UGT2B15: variants seen among roughly 807,000 people sequenced by gnomAD.
UGT2B15 encodes UDP-glucuronosyltransferase 2B15.
In UGT2B15, 36 loss-of-function variants were observed where a neutral mutation model predicts 45.9. The observed-to-expected ratio is 0.78, with a 90% CI of 0.60 to 1.04. UGT2B15 has a LOEUF of 1.04. Ranked by LOEUF, UGT2B15 falls within the 50% of genes least tolerant of loss-of-function variation. UGT2B15 has a pLI of 0.00. For missense variants in UGT2B15, 617 were observed against 622.4 expected (o/e 0.99, Z 0.09); for synonymous variants, 219 against 216.4 (o/e 1.01, Z -0.11).
intron 5 of UGT2B15, among the ~76,000 whole-genome samples, chr4:68,647,798 C>A (rs144107255): frequency 0.031 from 4,685 of 152,064 alleles, 297 homozygotes; most frequent in East Asian, 0.26. Context: ...TCAGTTCAGC[C>A]TTTCTCTTTC....
intron 5 of UGT2B15, among the ~76,000 whole-genome samples, chr4:68,651,991 C>T (rs1426140154): frequency 2.6e-5 from 4 of 152,018 alleles, no homozygotes; most frequent in African/African-American, 7.3e-5. Context: ...AATATTGATT[C>T]TTTTTATCCA....
chr4:68,647,461 G>T, intron 5 of UGT2B15, 78 bp from the exon 6 acceptor site: 1 of 1,440,274 alleles, frequency 6.9e-7, no homozygotes, highest in Non-Finnish European at 9.3e-7. Flanking sequence ...GATGGTCTTT[G>T]AAAAGTGTCA....
At chr4:68,649,694 A>C (rs1365846044) in intron 5 of UGT2B15, among the ~76,000 whole-genome samples, 1 of 152,148 alleles carries the variant, frequency 6.6e-6, no homozygotes, top group Non-Finnish European at 1.5e-5. Context: ...ACACACATAT[A>C]TAACACATAG....
At chr4:68,653,191 C>G (rs545613987) in intron 5 of UGT2B15, among the ~76,000 whole-genome samples, 14 of 151,688 alleles carry the variant, frequency 9.2e-5, no homozygotes, top group African/African-American at 3.2e-4. Flanking sequence ...TATTTTTACA[C>G]GGAAAATATG....
intron 2 of UGT2B15, among the ~76,000 whole-genome samples, chr4:68,667,600 G>A (rs1270654578): frequency 6.6e-6 from 1 of 152,006 alleles, no homozygotes; most frequent in East Asian, 1.9e-4. Context: ...TATCATTGTG[G>A]TCTTTCCTTA....
intron 2 of UGT2B15, among the ~76,000 whole-genome samples, chr4:68,666,767 G>C (rs1241259507): frequency 1.6e-5 from 1 of 62,922 alleles, no homozygotes; most frequent in Non-Finnish European, 3.6e-5. Flanking sequence ...TTTTTTTTGA[G>C]ACAGATTCTC....
intron 3 of UGT2B15, among the ~76,000 whole-genome samples, chr4:68,661,009 G>T (rs747505607): frequency 5.9e-5 from 9 of 151,746 alleles, no homozygotes; most frequent in Non-Finnish European, 7.4e-5. Flanking sequence ...GTCTTCATAG[G>T]ACATGAGACT....
chr4:68,665,803 T>C (rs1733102117), intron 2 of UGT2B15, among the ~76,000 whole-genome samples: 1 of 152,102 alleles, frequency 6.6e-6, no homozygotes, highest in South Asian at 2.1e-4. Context: ...TCCCAGCACT[T>C]TGGGAGGCTG....
chr4:68,670,322 A>T lies in UGT2B15; in HGVS notation c.297T>A (p.Tyr99Ter), dbSNP rs1215572651. 1 of 1,614,024 alleles carries T rather than the reference A, an allele frequency of 6.2e-7. No individual in the cohort carries two copies. The highest frequency in any genetic ancestry group is 1.1e-5 in the South Asian group (1 of 91,042). Reference sequence around the variant, plus strand: ...ACCAAAATGTATTTTTTGAAACACCATATATCCATCTATCGAGAATTTTCA... The same window carrying T: ...ACCAAAATGTATTTTTTGAAACACCTTATATCCATCTATCGAGAATTTTCA... ...SLLKILDRWI[Y>*]GVSKNTFWSY... The change falls in exon 1 of 6, where the codon TAT becomes TAA. Residue 99 changes from tyrosine to a stop codon, truncating the protein, a stop_gained. Coordinates refer to ENST00000338206, the MANE Select transcript of UGT2B15 (RefSeq NM_001076.4). LOFTEE classifies it high-confidence loss of function.
chr4:68,653,888 T>C (rs1298997736), intron 5 of UGT2B15, 149 bp downstream of exon 5: 4 of 1,000,662 alleles, frequency 4.0e-6, no homozygotes, highest in Non-Finnish European at 4.2e-6. Context: ...TGAAATAAAC[T>C]GTCTGGTGGA....
At chr4:68,658,970 A>T (rs1387559478) in intron 3 of UGT2B15, among the ~76,000 whole-genome samples, 1 of 152,062 alleles carries the variant, frequency 6.6e-6, no homozygotes, top group East Asian at 1.9e-4. Flanking sequence ...TCAAAGACAC[A>T]CTAATGCAAG....
Position 68,654,024 on chromosome 4 carries a change from C to G in UGT2B15, c.1313+13G>C. 1.2e-6 allele frequency: 2 copies of G among 1,609,066 alleles called. No individual in the cohort carries two copies. Among genetic ancestry groups the G allele is most frequent in the South Asian group, 2.2e-5 (2 of 90,714 alleles). On this transcript the variant is annotated intron_variant, in intron 5 of 5. Transcript: ENST00000338206. ...TTATAAATACCACCTGGTCACAAAACTGTAATACTCACACAGGGTCATTAA... is the reference window on the plus strand; with the variant it reads ...TTATAAATACCACCTGGTCACAAAAGTGTAATACTCACACAGGGTCATTAA...
intron 2 of UGT2B15, among the ~76,000 whole-genome samples, chr4:68,663,663 A>T (rs922397213): frequency 5.3e-5 from 8 of 152,144 alleles, no homozygotes; most frequent in African/African-American, 1.9e-4. Context: ...TTGGAATGAT[A>T]TTATATCTAC....
chr4:68,670,488 T>C lies in UGT2B15; in HGVS notation c.131A>G (p.Glu44Gly). The change falls in exon 1 of 6, where the codon GAA becomes GGA. Residue 44 changes from glutamate to glycine, a missense_variant. Glu to Gly is a moderately conservative substitution (Grantham distance 98, BLOSUM62 -2). Transcript: ENST00000338206. ...CTCATGACCCCTCTGAACAAGCTCT[T>C]CCAGGATTGTCTTCATATTTATCCA... ...SHWINMKTIL[E>G]ELVQRGHEVT... The C allele has an allele frequency of 6.2e-7, 1 of 1,614,044 alleles. No individual in the cohort carries two copies. Among genetic ancestry groups the C allele is most frequent in the Non-Finnish European group, 8.5e-7 (1 of 1,179,986 alleles).
At chr4:68,651,744 G>T (rs1291775777) in intron 5 of UGT2B15, among the ~76,000 whole-genome samples, 2 of 152,096 alleles carry the variant, frequency 1.3e-5, no homozygotes, top group Non-Finnish European at 2.9e-5. Flanking sequence ...TATCTGTTTG[G>T]TACCAGTACC....
rs1733285591 is a variant in UGT2B15, at chr4:68,670,605, C to T, written c.14G>A (p.Trp5Ter). ...CTGTATCAGCAGAAAGACTGACGTC[C>T]ATTTCAGAGACATCCTGGTCTTATG... MSLK[W>*]TSVFLLIQLS... is the part of the protein sequence containing the mutation. The change falls in exon 1 of 6, where the codon TGG (tryptophan) becomes TAG (stop). Residue 5 changes from tryptophan to a stop codon, truncating the protein, a stop_gained. Transcript: ENST00000338206. LOFTEE classifies it high-confidence loss of function. The T allele has an allele frequency of 6.3e-7, 1 of 1,577,434 alleles. No homozygotes were observed. The highest frequency in any genetic ancestry group is 1.2e-5 in the South Asian group (1 of 83,660).
At chr4:68,659,058 G>C (rs1007721803) in intron 3 of UGT2B15, among the ~76,000 whole-genome samples, 6 of 151,966 alleles carry the variant, frequency 3.9e-5, no homozygotes, top group African/African-American at 1.5e-4. Context: ...AGATTATAAA[G>C]GTTATGAAAG....
Position 68,646,964 on chromosome 4 carries a change from A to T in UGT2B15, c.*140T>A. The T allele has an allele frequency of 1.5e-6, 2 of 1,309,628 alleles. No homozygotes were observed. Among genetic ancestry groups the T allele is most frequent in the Non-Finnish European group, 2.1e-6 (2 of 955,250 alleles). 81.1% of individuals were successfully genotyped at this position (1,309,628 alleles called of 1,614,324 possible). On this transcript the variant is annotated 3_prime_UTR_variant, in exon 6 of 6. Transcript: ENST00000338206. ...AAAGTACGTATTAAATCCCTGGAAA[A>T]TAAATTTTGTCTTAACAAGGTAAGT...
At position 68,670,155 on chromosome 4, in the gene UGT2B15, T is replaced by C; in HGVS notation, c.464A>G (p.Asn155Ser). The C allele has an allele frequency of 6.2e-7, 1 of 1,614,072 alleles. No homozygotes were observed. The highest frequency in any genetic ancestry group is 8.5e-7 in the Non-Finnish European group (1 of 1,179,988). The change falls in exon 1 of 6, where the codon AAT becomes AGT. Residue 155 changes from asparagine to serine, a missense_variant. Physicochemically the swap from Asn to Ser is conservative, Grantham distance 46. Around this residue, in one of 3 missense-constraint regions of UGT2B15, gnomAD observed 351 missense variants for 342.1 expected, o/e 1.03. Coordinates refer to ENST00000338206, the MANE Select transcript of UGT2B15 (RefSeq NM_001076.4). ...TTCAGCCAGTAGCTCACCACAGGGA[T>C]TAAGGGCATCTGCCAGAATGACATC... ...KFDVILADAL[N>S]PCGELLAELF...
Sources: gnomAD v4.1 joint callset for allele counts (sites outside exome capture counted in the v4.1 genomes callset) on GRCh38, gnomAD v4.1.1 for gene constraint, gnomAD v4.1.1 regional missense constraint, MANE v1.5 for transcripts, NCBI Gene and HGNC (gene_info 2026-07-23, HGNC 2026-07-21) for gene names.